The following VPS33A variants were observed in gnomAD, a reference collection of about 807,000 sequenced individuals.
The protein encoded by VPS33A is VPS33A core subunit of CORVET and HOPS complexes.
Under a neutral mutation model 71.8 loss-of-function variants are expected in VPS33A, and 32 were observed. The ratio of observed to expected loss-of-function variants is 0.45; its 90% CI spans 0.34 to 0.60. The LOEUF is 0.60. VPS33A is among the 20% of genes least tolerant of loss of function. The pLI is 0.02. For missense variants in VPS33A, 625 were observed against 748.5 expected, an observed-to-expected ratio of 0.84 and a Z score of 1.92; for synonymous variants, 311 against 292.7, an observed-to-expected ratio of 1.06 and a Z score of -0.64.
At chr12:122,243,298 T>G (rs1417593110) in intron 7 of VPS33A, among the ~76,000 whole-genome samples, 2 of 152,102 alleles carry the variant, frequency 1.3e-5, no homozygotes, top group East Asian at 3.9e-4. Context: ...CAGGCTGGAG[T>G]GCAGTGGTGT....
At chr12:122,239,531 G>C (rs969839314) in intron 9 of VPS33A, among the ~76,000 whole-genome samples, 1 of 152,020 alleles carries the variant, frequency 6.6e-6, no homozygotes, top group Non-Finnish European at 1.5e-5. Flanking sequence ...GTCGGAGATC[G>C]AGACCATCCT....
chr12:122,260,897 C>T (rs1346818460), intron 4 of VPS33A, among the ~76,000 whole-genome samples: 1 of 152,208 alleles, frequency 6.6e-6, no homozygotes, highest in African/African-American at 2.4e-5. Flanking sequence ...ATCCCTTGAA[C>T]CCAAGAGGCG....
At chr12:122,245,221 T>C (rs1278214755) in intron 6 of VPS33A, among the ~76,000 whole-genome samples, 1 of 152,202 alleles carries the variant, frequency 6.6e-6, no homozygotes, top group Non-Finnish European at 1.5e-5. Context: ...TACAAAAGCT[T>C]ATCACACGCT....
intron 2 of VPS33A, 53 bp from the exon 3 acceptor site, chr12:122,263,752 A>G (rs896152604): frequency 1.3e-6 from 2 of 1,505,790 alleles, no homozygotes; most frequent in East Asian, 4.6e-5. Flanking sequence ...TTTACCTATA[A>G]TTTTCAGACT....
At chr12:122,238,315 C>A in intron 10 of VPS33A, among the ~76,000 whole-genome samples, 1 of 152,218 alleles carries the variant, frequency 6.6e-6, no homozygotes, top group Non-Finnish European at 1.5e-5. Flanking sequence ...CCGCCTCCTG[C>A]GTTCAAGCGA....
intron 1 of VPS33A, among the ~76,000 whole-genome samples, chr12:122,265,065 G>A (rs1349760199): frequency 6.6e-6 from 1 of 151,098 alleles, no homozygotes; most frequent in African/African-American, 2.4e-5. Context: ...TGGGACTACA[G>A]GTGTGTGCCA....
At chr12:122,255,036 G>C (rs1460508019) in intron 4 of VPS33A, among the ~76,000 whole-genome samples, 1 of 145,502 alleles carries the variant, frequency 6.9e-6, no homozygotes, top group Non-Finnish European at 1.5e-5. Context: ...AGGCGGCAGA[G>C]TGAAACTCAG....
intron 4 of VPS33A, among the ~76,000 whole-genome samples, chr12:122,251,846 C>T (rs1174655519): frequency 3.3e-5 from 5 of 150,860 alleles, no homozygotes; most frequent in Admixed American, 2.0e-4. Context: ...ATGGGTGCAG[C>T]ACACCAACAT....
At chr12:122,237,956 G>T (rs1330060279) in intron 10 of VPS33A, among the ~76,000 whole-genome samples, 1 of 151,610 alleles carries the variant, frequency 6.6e-6, no homozygotes, top group Non-Finnish European at 1.5e-5. Context: ...GTAAATTTTT[G>T]TATTTTTTTT....
At chr12:122,250,227 C>G in intron 5 of VPS33A, 182 bp from the exon 6 acceptor site, 1 of 593,652 alleles carries the variant, frequency 1.7e-6, no homozygotes, top group Non-Finnish European at 2.8e-6. Flanking sequence ...GACACTTGCA[C>G]CAAGGCAGCT....
chr12:122,232,115 A>G lies in VPS33A; in HGVS notation c.*131T>C, dbSNP rs983996811. The G allele has an allele frequency of 4.0e-5, 35 of 883,452 alleles. No homozygotes were observed. In the African/African-American group the frequency reaches 6.0e-4, roughly 15 times the overall value. 54.7% of individuals were successfully genotyped at this position (883,452 alleles called of 1,614,324 possible). ...GGAGAAAGCAGTAAACAGTAGTATA[A>G]TTTAAGAAGCTGACCCCAGAATATA... On this transcript the variant is annotated 3_prime_UTR_variant, in exon 13 of 13. Coordinates refer to ENST00000267199, the MANE Select transcript of VPS33A (RefSeq NM_022916.6).
intron 10 of VPS33A, 93 bp downstream of exon 10, chr12:122,238,494 T>A (rs1411984404): frequency 3.5e-6 from 5 of 1,447,452 alleles, no homozygotes. Context: ...AGTGCTGGGA[T>A]TACAGGCGTA....
chr12:122,266,297 C>G lies in VPS33A; in HGVS notation c.102+10G>C. On this transcript the variant is annotated intron_variant, in intron 1 of 12. Transcript: ENST00000267199. ...AGGCGAGGGCGGTGTCGCTGCCTCC[C>G]GCCCCTCACCTTGCTTCCTGCGCAC... 6.2e-7 allele frequency: 1 copy of G among 1,609,164 alleles called. No individual in the cohort carries two copies. The highest frequency in any genetic ancestry group is 8.5e-7 in the Non-Finnish European group (1 of 1,179,644).
Position 122,251,171 on chromosome 12 carries a change from G to A in VPS33A, c.484-72C>T, listed in dbSNP as rs2136139214. The A allele has an allele frequency of 3.1e-6, 3 of 971,788 alleles. No homozygotes were observed. In the East Asian group the frequency reaches 7.3e-5, roughly 24 times the overall value. 60.2% of individuals were successfully genotyped at this position (971,788 alleles called of 1,614,324 possible). A position where few individuals can be genotyped will look rare whatever the true frequency, so the allele number is the denominator to read the frequency against. On this transcript the variant is annotated intron_variant, in intron 4 of 12. Coordinates refer to ENST00000267199, the MANE Select transcript of VPS33A (RefSeq NM_022916.6). ...GGGGCCCATCTCTGTTCCTGGGGCT[G>A]GGGTGCAGCGACAGACAATAAAATC...
chr12:122,261,769 G>A (rs1232086870), intron 3 of VPS33A, among the ~76,000 whole-genome samples: 3 of 152,038 alleles, frequency 2.0e-5, no homozygotes, highest in Non-Finnish European at 2.9e-5. Context: ...TTGGGAGGCC[G>A]AGGCGAGCGG....
At chr12:122,244,271 A>C (rs1954749285) in intron 7 of VPS33A, among the ~76,000 whole-genome samples, 1 of 152,216 alleles carries the variant, frequency 6.6e-6, no homozygotes. Flanking sequence ...CTCTTAGGCA[A>C]GGTAGGAAAT....
At chr12:122,245,682 G>A (rs955857694) in intron 6 of VPS33A, among the ~76,000 whole-genome samples, 4 of 152,062 alleles carry the variant, frequency 2.6e-5, no homozygotes, top group East Asian at 1.9e-4. Context: ...TTGTCTTCAG[G>A]TGAGCCACCC....
chr12:122,256,229 C>G (rs1273486155), intron 4 of VPS33A, among the ~76,000 whole-genome samples: 2 of 151,946 alleles, frequency 1.3e-5, no homozygotes, highest in East Asian at 3.8e-4. Context: ...ATGTACTATA[C>G]CAGCGGTTCC....
In VPS33A at chr12:122,232,319, T is replaced by G. The variant is rs1954573547; in HGVS notation, c.1718A>C (p.Glu573Ala). ...FLSQLEDGGT[E>A]YVIATTKLMN... ...TAGTTTAGTGGTGGCAATGACATATTCTGTACCTCCATCTTCCAACTGGGA... is the reference window on the plus strand; with the variant it reads ...TAGTTTAGTGGTGGCAATGACATATGCTGTACCTCCATCTTCCAACTGGGA... The change falls in exon 13 of 13, where the codon GAA becomes GCA. Residue 573 changes from glutamate to alanine, a missense_variant. By Grantham distance (107) the Glu-to-Ala change is moderately radical. Coordinates refer to ENST00000267199, the MANE Select transcript of VPS33A (RefSeq NM_022916.6). The G allele has an allele frequency of 6.2e-7, 1 of 1,614,064 alleles. No homozygotes were observed. The highest frequency in any genetic ancestry group is 1.3e-5 in the African/African-American group (1 of 74,908).
Sources: gnomAD v4.1 joint callset for allele counts (sites outside exome capture counted in the v4.1 genomes callset) on GRCh38, gnomAD v4.1.1 for gene constraint, MANE v1.5 for transcripts, NCBI Gene and HGNC (gene_info 2026-07-23, HGNC 2026-07-21) for gene names.